The following NPHP1 variants were observed in gnomAD, a reference collection of about 807,000 sequenced individuals.
NPHP1 encodes the protein nephrocystin-1.
A neutral mutation model predicts 90.4 loss-of-function variants in NPHP1; 70 were observed. The observed-to-expected ratio is 0.77, with a 90% confidence interval of 0.64 to 0.95. NPHP1 has a LOEUF of 0.95. NPHP1 is among the 40% of genes least tolerant of loss of function. The pLI, the probability that NPHP1 is intolerant of heterozygous loss-of-function variation, is 0.00. For missense variants in NPHP1, 764 were observed against 795.9 expected (o/e 0.96, Z 0.48); for synonymous variants, 256 against 271.7 (o/e 0.94, Z 0.57).
chr2:110,140,124 G>C lies in NPHP1; in HGVS notation c.1529+3418C>G, dbSNP rs918168103. ...GAGCCAGCCTGGAGTTGCACCAGCA[G>C]TGTGTCCCAACTCACGTTTGAAATT... On this transcript the variant is annotated intron_variant, in intron 16 of 19. Transcript: ENST00000445609. Among the ~76,000 whole-genome samples the C allele has an allele frequency of 2.6e-5, 4 of 152,094 alleles. No individual in the cohort carries two copies. In the South Asian group the frequency reaches 8.3e-4, roughly 32 times the overall value.
intron 9 of NPHP1, among the ~76,000 whole-genome samples, chr2:110,162,597 T>G (rs1682423950): frequency 6.6e-6 from 1 of 151,936 alleles, no homozygotes; most frequent in Non-Finnish European, 1.5e-5. Context: ...GTAAGGAAAA[T>G]GAAAATTCCA....
intron 11 of NPHP1, among the ~76,000 whole-genome samples, chr2:110,154,455 C>T (rs1681737668): frequency 6.6e-6 from 1 of 152,050 alleles, no homozygotes; most frequent in Non-Finnish European, 1.5e-5. Context: ...GGGTAACAGG[C>T]AGAGGTTGGA....
intron 19 of NPHP1, chr2:110,125,264 T>C: frequency 2.6e-6 from 4 of 1,536,282 alleles, no homozygotes; most frequent in East Asian, 2.4e-5. Context: ...TTGTTTTCAA[T>C]ATATGGTACA....
intron 2 of NPHP1, among the ~76,000 whole-genome samples, chr2:110,193,545 C>T (rs1242671512): frequency 1.3e-5 from 2 of 152,088 alleles, no homozygotes; most frequent in Non-Finnish European, 2.9e-5. Flanking sequence ...TAGACTCCCA[C>T]ATAATAATAA....
chr2:110,156,400 T>G (rs1202423135), intron 11 of NPHP1, among the ~76,000 whole-genome samples: 1 of 152,172 alleles, frequency 6.6e-6, no homozygotes, highest in African/African-American at 2.4e-5. Context: ...TCCTCAGCCA[T>G]GCGGAACTGT....
intron 2 of NPHP1, among the ~76,000 whole-genome samples, chr2:110,191,369 C>T (rs998854318): frequency 2.6e-5 from 4 of 152,206 alleles, no homozygotes; most frequent in South Asian, 4.1e-4. Context: ...GAGATTACAT[C>T]GCGCACATGG....
At chr2:110,138,588 G>A (rs1680391641) in intron 16 of NPHP1, among the ~76,000 whole-genome samples, 1 of 152,024 alleles carries the variant, frequency 6.6e-6, no homozygotes, top group African/African-American at 2.4e-5. Flanking sequence ...CTTTCTCAGG[G>A]ATCAGGCTCT....
intron 11 of NPHP1, among the ~76,000 whole-genome samples, chr2:110,154,895 C>T (rs1050796414): frequency 6.6e-6 from 1 of 152,082 alleles, no homozygotes; most frequent in African/African-American, 2.4e-5. Flanking sequence ...AAATTCAAGC[C>T]GGCTGCAGAA....
chr2:110,160,385 A>T (rs1682224062), intron 10 of NPHP1, 130 bp from the exon 11 acceptor site: 3 of 661,144 alleles, frequency 4.5e-6, no homozygotes, highest in Admixed American at 2.8e-5. Flanking sequence ...ATATACAATA[A>T]AAGTTTCAAT....
intron 6 of NPHP1, among the ~76,000 whole-genome samples, chr2:110,167,848 T>C (rs1574135441): frequency 6.6e-6 from 1 of 152,114 alleles, no homozygotes; most frequent in South Asian, 2.1e-4. Flanking sequence ...CACCGGTTGG[T>C]GTAGAAGAAC....
At chr2:110,151,084 G>A (rs940108651) in intron 11 of NPHP1, among the ~76,000 whole-genome samples, 12 of 150,096 alleles carry the variant, frequency 8.0e-5, no homozygotes, top group African/African-American at 2.9e-4. Context: ...GAGAATCGCT[G>A]GAACCTGGGA....
At chr2:110,133,691 A>T (rs929982431) in intron 16 of NPHP1, among the ~76,000 whole-genome samples, 2 of 152,088 alleles carry the variant, frequency 1.3e-5, no homozygotes, top group African/African-American at 4.8e-5. Flanking sequence ...TCTTTTTTCA[A>T]TCATAATGAA....
At chr2:110,193,587 A>T (rs1027642143) in intron 2 of NPHP1, among the ~76,000 whole-genome samples, 2 of 152,160 alleles carry the variant, frequency 1.3e-5, no homozygotes, top group African/African-American at 2.4e-5. Flanking sequence ...TGTCAACATT[A>T]GACAGATCAA....
rs1679151001 is a variant in NPHP1 at position 110,123,859 on chromosome 2, G to A, written c.1966C>T (p.His656Tyr). ...TGCTCTGAAAGGTCAAAAGGTTCATGAACTCCGTCTGGTGACAGCAGAGCT... is the reference window on the plus strand; with the variant it reads ...TGCTCTGAAAGGTCAAAAGGTTCATAAACTCCGTCTGGTGACAGCAGAGCT... Reference protein sequence around the residue: ...LQALLSPDGVHEPFDLSEQTY... With the variant: ...LQALLSPDGVYEPFDLSEQTY... The change falls in exon 20 of 20, where the codon CAT becomes TAT. Residue 656 changes from histidine (H) to tyrosine (Y), a missense_variant. Coordinates refer to ENST00000445609, the MANE Select transcript of NPHP1 (RefSeq NM_001128178.3). The A allele has an allele frequency of 6.2e-7, 1 of 1,614,088 alleles. No individual in the cohort carries two copies. The highest frequency in any genetic ancestry group is 8.5e-7 in the Non-Finnish European group (1 of 1,179,980).
In NPHP1 at chr2:110,129,187, C is replaced by G. The variant is rs1679591733; in HGVS notation, c.1715G>C (p.Arg572Thr). 1.1e-5 allele frequency: 17 copies of G among 1,611,088 alleles called. No homozygotes were observed. The highest frequency in any genetic ancestry group is 1.3e-5 in the Non-Finnish European group (15 of 1,177,560). ...TCCATTGCAATGCATGCTACCCACC[C>G]TGAGAGCATCCATCACATCAGGCTG... is the stretch of plus-strand genomic sequence containing the variant. ...LEQPDVMDAL[R>T]SSWAGKESTL... The change falls in exon 18 of 20, where the codon AGG becomes ACG. Residue 572 changes from arginine (R) to threonine (T), a missense_variant and splice_region_variant. By Grantham distance (71) the Arg-to-Thr change is moderately conservative. Transcript: ENST00000445609.
chr2:110,143,481 A>G, intron 16 of NPHP1, 61 bp downstream of exon 16: 1 of 1,118,494 alleles, frequency 8.9e-7, no homozygotes, highest in Non-Finnish European at 1.4e-6. Flanking sequence ...CCAAAAGCAG[A>G]GATGGTCTCC....
chr2:110,134,726 G>C (rs543646634), intron 16 of NPHP1, among the ~76,000 whole-genome samples: 2 of 151,864 alleles, frequency 1.3e-5, no homozygotes, highest in Non-Finnish European at 2.9e-5. Context: ...CAGAATTAAG[G>C]GGAAAAACCC....
At position 110,178,133 on chromosome 2, in the gene NPHP1, T is replaced by A. The variant is rs567349780; in HGVS notation, c.329+290A>T. On this transcript the variant is annotated intron_variant, in intron 4 of 19. Coordinates refer to ENST00000445609, the MANE Select transcript of NPHP1 (RefSeq NM_001128178.3). ...TCCCTTTTACACATCAACATTGACA[T>A]TAAATATATCATCTTTATTTTCTAA... 368 of 481,936 alleles carry A rather than the reference T, an allele frequency of 7.6e-4. 8 individuals carry two copies. In the South Asian group the frequency reaches 0.01, roughly 14 times the overall value. The allele number at this position is 481,936 out of a possible 1,614,324, so 29.9% of individuals were successfully genotyped here.
At chr2:110,158,760 C>T (rs1478384029) in intron 11 of NPHP1, among the ~76,000 whole-genome samples, 1 of 151,894 alleles carries the variant, frequency 6.6e-6, no homozygotes, top group African/African-American at 2.4e-5. Flanking sequence ...GTTTTTGATA[C>T]TTCTTTTTTG....
Sources: allele counts gnomAD v4.1 joint callset (sites outside exome capture counted in the v4.1 genomes callset), GRCh38; gene constraint gnomAD v4.1.1; transcripts MANE v1.5; gene names NCBI Gene and HGNC (gene_info 2026-07-23, HGNC 2026-07-21).